The following SIGLEC11 variants were observed in gnomAD, a reference collection of about 807,000 sequenced individuals.
SIGLEC11 encodes sialic acid-binding Ig-like lectin 11.
A neutral mutation model predicts 61.2 loss-of-function variants in SIGLEC11; 47 were observed. The observed-to-expected ratio is 0.77, with a 90% CI of 0.61 to 0.98. The LOEUF is 0.98. Ranked by LOEUF, SIGLEC11 falls within the 50% of genes least tolerant of loss-of-function variation. The pLI is 0.00. For synonymous variants in SIGLEC11, 278 were observed against 373.1 expected, an observed-to-expected ratio of 0.75 and a Z score of 2.94; for missense variants, 610 against 870.3, an observed-to-expected ratio of 0.70 and a Z score of 3.76.
intron 5 of SIGLEC11, 75 bp from the exon 6 acceptor site, chr19:49,959,152 C>G: frequency 6.2e-7 from 1 of 1,603,042 alleles, no homozygotes; most frequent in Non-Finnish European, 8.5e-7. Flanking sequence ...ATCCTGGACA[C>G]TGAGGTGGGG....
intron 8 of SIGLEC11, among the ~76,000 whole-genome samples, chr19:49,957,478 C>A (rs2076205032): frequency 6.6e-6 from 1 of 151,486 alleles, no homozygotes; most frequent in Non-Finnish European, 1.5e-5. Flanking sequence ...AAAGCCAAGG[C>A]CAAAGGAATG....
chr19:49,959,143 T>C, intron 5 of SIGLEC11, 66 bp from the exon 6 acceptor site: 1 of 942,500 alleles, frequency 1.1e-6, no homozygotes, highest in South Asian at 2.1e-5. Flanking sequence ...AAGGGAACTA[T>C]CCTGGACACT....
At chr19:49,957,464 T>C (rs1030988691) in intron 8 of SIGLEC11, among the ~76,000 whole-genome samples, 1 of 152,020 alleles carries the variant, frequency 6.6e-6, no homozygotes, top group African/African-American at 2.4e-5. Context: ...ATAACACTGT[T>C]TAAAAAGCCA....
At chr19:49,950,469 A>G (rs1171968961) in intron 10 of SIGLEC11, among the ~76,000 whole-genome samples, 1 of 151,958 alleles carries the variant, frequency 6.6e-6, no homozygotes, top group East Asian at 1.9e-4. Flanking sequence ...TAAAATCCTC[A>G]CCACAATCCA....
chr19:49,959,038 T>C lies in SIGLEC11; in HGVS notation c.1097A>G (p.Asn366Ser). The C allele has an allele frequency of 1.9e-6, 3 of 1,613,750 alleles. No individual in the cohort carries two copies. Among genetic ancestry groups the C allele is most frequent in the Non-Finnish European group, 2.5e-6 (3 of 1,179,786 alleles). The change falls in exon 6 of 11, where the codon AAC becomes AGC. Residue 366 changes from asparagine to serine, a missense_variant. Asn to Ser is a conservative substitution (Grantham distance 46). Transcript: ENST00000447370. ...ENLRVMVSQA[N>S]RTVLENLGNG... is the part of the protein sequence containing the mutation. ...TCTGTCTCCTTTCCTACCTGTCCTG[T>C]TTGCTTGGGAAACCATCACTCTCAG... is the stretch of plus-strand genomic sequence containing the variant.
chr19:49,957,549 T>C (rs980143485), intron 8 of SIGLEC11, among the ~76,000 whole-genome samples: 1 of 152,212 alleles, frequency 6.6e-6, no homozygotes, highest in Non-Finnish European at 1.5e-5. Flanking sequence ...ACAAATTCTT[T>C]TACTGTTACT....
chr19:49,958,419 G>A lies in SIGLEC11; in HGVS notation c.1515C>T (p.Val505=), dbSNP rs1270357621. The A allele has an allele frequency of 6.2e-7, 1 of 1,613,876 alleles. No individual in the cohort carries two copies. The highest frequency in any genetic ancestry group is 8.5e-7 in the Non-Finnish European group (1 of 1,179,998). Residue 505 remains valine (V), a synonymous_variant, in exon 8 of 11, where the codon GTC becomes GTT. Transcript: ENST00000447370. ...EGNSSQGSFE[V]TPSSAGPWAN... ...CCCAGGGCCCGGCTGAGCTGGGGGT[G>A]ACCTCGAAGGAGCCCTGACTGCTGT...
At chr19:49,952,766 C>T (rs926350912) in intron 8 of SIGLEC11, among the ~76,000 whole-genome samples, 1 of 152,166 alleles carries the variant, frequency 6.6e-6, no homozygotes, top group African/African-American at 2.4e-5. Context: ...CTATGTTTTA[C>T]AAATGTCTGT....
Position 49,952,075 on chromosome 19 carries a change from T to C in SIGLEC11, c.1749-103A>G. ...GAGGCTGGAAGGCTGCAGAGCCCAG[T>C]GGGGTGGGGACATATCCACGGGGTG... On this transcript the variant is annotated intron_variant, in intron 9 of 10. Coordinates refer to ENST00000447370, the MANE Select transcript of SIGLEC11 (RefSeq NM_052884.3). 3 of 1,240,736 alleles carry C rather than the reference T, an allele frequency of 2.4e-6. No individual in the cohort carries two copies. The South Asian group carries it at 4.5e-5, about 19-fold the overall frequency. The allele number at this position is 1,240,736 out of a possible 1,614,324, so 76.9% of individuals were successfully genotyped here.
rs1483441998 is a variant in SIGLEC11, at chr19:49,958,723, A to G, written c.1283T>C (p.Met428Thr). 7.4e-6 allele frequency: 12 copies of G among 1,613,494 alleles called. No homozygotes were observed. The Admixed American group carries it at 2.0e-4, about 27-fold the overall frequency. The change falls in exon 7 of 11, where the codon ATG (methionine) becomes ACG (threonine). Residue 428 changes from methionine to threonine, a missense_variant. Physicochemically the swap from Met to Thr is moderately conservative, Grantham distance 81 (BLOSUM62 -1). Coordinates refer to ENST00000447370, the MANE Select transcript of SIGLEC11 (RefSeq NM_052884.3). ...PGVLELPPIQMEHEGEFTCHA... is the reference protein window; with the variant it reads ...PGVLELPPIQTEHEGEFTCHA... Reference sequence around the variant, plus strand: ...GCAGGTGAACTCTCCTTCGTGCTCCATTTGAATGGGTGGCAGCTCCAGGAC... The same window carrying G: ...GCAGGTGAACTCTCCTTCGTGCTCCGTTTGAATGGGTGGCAGCTCCAGGAC...
rs533960992 is a variant in SIGLEC11 at position 49,950,895 on chromosome 19, G to C, written c.1831-659C>G. Reference sequence around the variant, plus strand: ...TCTACTCGGACACAATTGTGAAACTGAGCTAGGAGCTCAAGAAAGAAAGGT... The same window carrying C: ...TCTACTCGGACACAATTGTGAAACTCAGCTAGGAGCTCAAGAAAGAAAGGT... On this transcript the variant is annotated intron_variant, in intron 10 of 10. Transcript: ENST00000447370. Among the ~76,000 whole-genome samples the C allele has an allele frequency of 9.2e-5, 14 of 152,356 alleles. No individual in the cohort carries two copies. In the South Asian group the frequency reaches 2.9e-3, roughly 32 times the overall value.
chr19:49,958,272 A>C lies in SIGLEC11; in HGVS notation c.1651+11T>G. ...TTCTCCCTGAACCTCAGCCCCCCAC[A>C]GTCCCCTCACCTGGTAGCAGCTGGA... On this transcript the variant is annotated intron_variant, in intron 8 of 10. Coordinates refer to ENST00000447370, the MANE Select transcript of SIGLEC11 (RefSeq NM_052884.3). 6.2e-7 allele frequency: 1 copy of C among 1,612,556 alleles called. No homozygotes were observed. The highest frequency in any genetic ancestry group is 8.5e-7 in the Non-Finnish European group (1 of 1,179,602).
chr19:49,952,717 C>T (rs561058125), intron 8 of SIGLEC11, among the ~76,000 whole-genome samples: 1 of 152,322 alleles, frequency 6.6e-6, no homozygotes, highest in African/African-American at 2.4e-5. Flanking sequence ...AAAACAAATT[C>T]CTTTACTGTT....
In SIGLEC11 at chr19:49,953,851, T is replaced by C. The variant is rs954259162; in HGVS notation, c.1652-1457A>G. On this transcript the variant is annotated intron_variant, in intron 8 of 10. Transcript: ENST00000447370. ...GGAAAGTCCATCAAAACTTACTCCA[T>C]TGAAGTGCATGTTACAAAACTTTAA... Among the ~76,000 whole-genome samples, 6 of 152,300 alleles carry C rather than the reference T, an allele frequency of 3.9e-5. No homozygotes were observed. The South Asian group carries it at 1.0e-3, about 26-fold the overall frequency.
rs2076215552 is a variant in SIGLEC11, at chr19:49,958,548, G to A, written c.1386C>T (p.Pro462=). The change falls in exon 8 of 11, where the codon CCC becomes CCT. Residue 462 remains proline, a synonymous_variant. Coordinates refer to ENST00000447370, the MANE Select transcript of SIGLEC11 (RefSeq NM_052884.3). ...SVHYPPQLLG[P]SCSWEAEGLH... ...GACCCTCAGCCTCCCAGGAGCAGGAGGGGCCCAGCAGCTGTGGAGGGTCTG... is the reference window on the plus strand; with the variant it reads ...GACCCTCAGCCTCCCAGGAGCAGGAAGGGCCCAGCAGCTGTGGAGGGTCTG... The A allele has an allele frequency of 6.3e-7, 1 of 1,583,464 alleles. No homozygotes were observed. The highest frequency in any genetic ancestry group is 8.6e-7 in the Non-Finnish European group (1 of 1,165,482).
chr19:49,949,912 C>G lies in SIGLEC11; in HGVS notation c.*58G>C, dbSNP rs1007559055. The G allele has an allele frequency of 1.5e-6, 2 of 1,353,496 alleles. No individual in the cohort carries two copies. 83.8% of individuals were successfully genotyped at this position (1,353,496 alleles called of 1,614,324 possible). On this transcript the variant is annotated 3_prime_UTR_variant, in exon 11 of 11. Transcript: ENST00000447370. Reference sequence around the variant, plus strand: ...GCTGAAATCTGAGTCCAGTTCTGGCCGTCACACCAGTGCGACTCCCACACA... The same window carrying G: ...GCTGAAATCTGAGTCCAGTTCTGGCGGTCACACCAGTGCGACTCCCACACA...
rs139706382 is a variant in SIGLEC11 at position 49,958,682 on chromosome 19, G to C, written c.1324C>G (p.Leu442Val). 2 of 1,609,420 alleles carry C rather than the reference G, an allele frequency of 1.2e-6. No individual in the cohort carries two copies. Among genetic ancestry groups the C allele is most frequent in the Admixed American group, 1.7e-5 (1 of 59,604 alleles). ...GEFTCHAQHPLGSQHVSLSLS... is the reference protein window; with the variant it reads ...GEFTCHAQHPVGSQHVSLSLS... ...CTGAGAGAGACGTGCTGGGAGCCCA[G>C]AGGGTGCTGAGCGTGGCAGGTGAAC... Residue 442 changes from leucine (L) to valine (V), a missense_variant, in exon 7 of 11, where the codon CTG becomes GTG. Physicochemically the swap from Leu to Val is conservative, Grantham distance 32. Around this residue, in one of 6 missense-constraint regions of SIGLEC11, gnomAD observed 432 missense variants for 441.5 expected, o/e 0.98. Transcript: ENST00000447370.
Position 49,958,863 on chromosome 19 carries a change from G to A in SIGLEC11, c.1143C>T (p.Val381=). 6.2e-7 allele frequency: 1 copy of A among 1,604,034 alleles called. No individual in the cohort carries two copies. Among genetic ancestry groups the A allele is most frequent in the Non-Finnish European group, 8.5e-7 (1 of 1,175,008 alleles). Residue 381 remains valine, a synonymous_variant, in exon 7 of 11, where the codon GTC becomes GTT. Transcript: ENST00000447370. ...ENLGNGTSLP[V]LEGQSLRLVC... Reference sequence around the variant, plus strand: ...CCAGGCGCAGGCTTTGGCCCTCCAGGACCGGGAGGGATGTGCCGTTCCCGA... The same window carrying A: ...CCAGGCGCAGGCTTTGGCCCTCCAGAACCGGGAGGGATGTGCCGTTCCCGA...
At chr19:49,960,492 A>G in intron 2 of SIGLEC11, 60 bp downstream of exon 2, 1 of 1,585,168 alleles carries the variant, frequency 6.3e-7, no homozygotes, top group Non-Finnish European at 8.5e-7. Context: ...CTCAGCCCAT[A>G]GCCTGTCCCC....
Sources: allele counts gnomAD v4.1 joint callset (sites outside exome capture counted in the v4.1 genomes callset), GRCh38; gene constraint gnomAD v4.1.1; regional missense constraint gnomAD v4.1.1; transcripts MANE v1.5; gene names NCBI Gene and HGNC (gene_info 2026-07-23, HGNC 2026-07-21).